The following FIG4 variants were observed in gnomAD, a reference collection of about 807,000 sequenced individuals.
FIG4 encodes the protein FIG4 phosphoinositide 5-phosphatase, also known as polyphosphoinositide phosphatase.
Under a neutral mutation model 118.6 loss-of-function variants are expected in FIG4, and 112 were observed. The ratio of observed to expected loss-of-function variants is 0.94; its 90% CI spans 0.81 to 1.11. FIG4 has a LOEUF of 1.11. Among genes scored for constraint, FIG4 ranks in the 50% least tolerant of loss-of-function variants. FIG4 has a pLI of 0.00. For synonymous variants in FIG4, 369 were observed against 381.2 expected (o/e 0.97, Z 0.37); for missense variants, 969 against 1,111.7 (o/e 0.87, Z 1.83).
intron 22 of FIG4, among the ~76,000 whole-genome samples, chr6:109,812,805 G>A (rs1462695963): frequency 6.6e-6 from 1 of 152,054 alleles, no homozygotes; most frequent in Admixed American, 6.5e-5. Context: ...TATCTGGAGG[G>A]GAATATGAAC....
intron 15 of FIG4, among the ~76,000 whole-genome samples, chr6:109,775,049 G>A (rs1192884088): frequency 6.6e-6 from 1 of 152,128 alleles, no homozygotes; most frequent in Non-Finnish European, 1.5e-5. Context: ...ATTGGCTAAT[G>A]TTTAACCTGT....
chr6:109,713,376 G>A (rs960076009), intron 1 of FIG4, among the ~76,000 whole-genome samples: 2 of 152,186 alleles, frequency 1.3e-5, no homozygotes, highest in Non-Finnish European at 2.9e-5. Context: ...TTAGCACAGG[G>A]GCAGGGCACT....
intron 3 of FIG4, among the ~76,000 whole-genome samples, chr6:109,723,486 T>C (rs1775671750): frequency 6.6e-6 from 1 of 152,212 alleles, no homozygotes; most frequent in African/African-American, 2.4e-5. Context: ...CTATCAGAAA[T>C]GATATTTGTG....
intron 22 of FIG4, among the ~76,000 whole-genome samples, chr6:109,801,445 G>A (rs1204152650): frequency 6.6e-6 from 1 of 152,180 alleles, no homozygotes; most frequent in African/African-American, 2.4e-5. Flanking sequence ...CTACTCGGGA[G>A]GCTGAGGCTG....
chr6:109,794,376 T>C (rs1046450710), intron 21 of FIG4, among the ~76,000 whole-genome samples: 28 of 152,236 alleles, frequency 1.8e-4, no homozygotes, highest in Non-Finnish European at 1.8e-4. Context: ...CAGCTGCCTC[T>C]GCTTATGATG....
intron 1 of FIG4, among the ~76,000 whole-genome samples, chr6:109,692,891 A>T (rs1258027546): frequency 6.6e-6 from 1 of 152,118 alleles, no homozygotes; most frequent in South Asian, 2.1e-4. Flanking sequence ...AATAAAAGAC[A>T]GGGATTCTCC....
chr6:109,817,702 C>T (rs117015749), intron 22 of FIG4, among the ~76,000 whole-genome samples: 225 of 152,286 alleles, frequency 1.5e-3, no homozygotes, highest in Non-Finnish European at 2.8e-3. Context: ...TTTCTCTCTC[C>T]TTGAGGAGCA....
chr6:109,781,800 C>T (rs6933729), intron 16 of FIG4, among the ~76,000 whole-genome samples: 13,107 of 88,624 alleles, frequency 0.15, 1,415 homozygotes, highest in African/African-American at 0.28. Context: ...CCATCTTGAT[C>T]CTAATTCAAG....
At chr6:109,736,157 GCT>G (rs1287093152) in intron 6 of FIG4, among the ~76,000 whole-genome samples, 1 of 152,104 alleles carries the variant, frequency 6.6e-6, no homozygotes, top group Non-Finnish European at 1.5e-5. Context: ...TGGGCTCCTT[GCT>G]CTGTGCAACT....
chr6:109,820,576 G>A (rs551103468), intron 22 of FIG4, among the ~76,000 whole-genome samples: 6 of 152,170 alleles, frequency 3.9e-5, no homozygotes, highest in East Asian at 3.9e-4. Context: ...TAGCAGTGCC[G>A]ATCTCCAGAA....
intron 10 of FIG4, among the ~76,000 whole-genome samples, chr6:109,754,757 G>A (rs1776828065): frequency 6.6e-6 from 1 of 152,122 alleles, no homozygotes; most frequent in Admixed American, 6.5e-5. Flanking sequence ...TCTGATGGTA[G>A]TTTGTATTTC....
At chr6:109,699,481 G>A (rs1427999614) in intron 1 of FIG4, among the ~76,000 whole-genome samples, 6 of 150,008 alleles carry the variant, frequency 4.0e-5, no homozygotes, top group African/African-American at 1.5e-4. Flanking sequence ...TTCCTCATAC[G>A]CGGTTTTTTT....
rs748379737 is a variant in FIG4, at chr6:109,765,167, T to C, written c.1583+6T>C. The C allele has an allele frequency of 9.9e-6, 16 of 1,613,772 alleles. No homozygotes were observed. The highest frequency in any genetic ancestry group is 1.2e-5 in the Non-Finnish European group (14 of 1,179,710). ...TTTGATACAGATGCAGTTAGGTAAG[T>C]CTTATTTTTTGCTATTTGAATGCTG... On this transcript the variant is annotated splice_donor_region_variant and intron_variant, in intron 14 of 22. Transcript: ENST00000230124.
rs181267748 is a variant in FIG4, at chr6:109,719,536, G to A, written c.289+2968G>A. ...GTAGCTGGGACTACAGGCATATGCC[G>A]CCACGCCCGGCTAATGTTTTTTCTT... is the stretch of plus-strand genomic sequence containing the variant. On this transcript the variant is annotated intron_variant, in intron 3 of 22. Transcript: ENST00000230124. 2.5e-3 allele frequency among the ~76,000 whole-genome samples: 385 copies of A among 151,778 alleles called. 1 individual carries two copies. The highest frequency in any genetic ancestry group is 8.8e-3 in the African/African-American group (366 of 41,444).
At chr6:109,803,856 AG>A (rs1462299693) in intron 22 of FIG4, among the ~76,000 whole-genome samples, 167 of 145,430 alleles carry the variant, frequency 1.1e-3, no homozygotes, top group African/African-American at 4.2e-3. Flanking sequence ...CCTATGAGTG[AG>A]AACATGCTGT....
At chr6:109,755,244 G>T (rs1776849672) in intron 10 of FIG4, among the ~76,000 whole-genome samples, 1 of 152,202 alleles carries the variant, frequency 6.6e-6, no homozygotes, top group Admixed American at 6.5e-5. Flanking sequence ...TAGTTGAGCG[G>T]TTTTGAGTGA....
At chr6:109,792,735 CCT>C (rs1778172587) in intron 21 of FIG4, 71 bp downstream of exon 21, 1 of 653,628 alleles carries the variant, frequency 1.5e-6, no homozygotes, top group African/African-American at 2.4e-5. Context: ...AACTACTATA[CCT>C]TTTTTTTTTT....
chr6:109,755,838 A>G (rs911366947), intron 10 of FIG4, among the ~76,000 whole-genome samples: 37 of 152,140 alleles, frequency 2.4e-4, no homozygotes, highest in African/African-American at 8.0e-4. Flanking sequence ...GTCTCTGCAC[A>G]TGAGATGGGT....
intron 5 of FIG4, 55 bp downstream of exon 5, chr6:109,732,742 T>C: frequency 9.3e-7 from 1 of 1,072,644 alleles, no homozygotes; most frequent in Non-Finnish European, 1.4e-6. Flanking sequence ...TATATTATTT[T>C]CCAGCGGGTA....
Sources: gnomAD v4.1 joint callset for allele counts (sites outside exome capture counted in the v4.1 genomes callset) on GRCh38, gnomAD v4.1.1 for gene constraint, MANE v1.5 for transcripts, NCBI Gene and HGNC (gene_info 2026-07-23, HGNC 2026-07-21) for gene names.